Variants in ZHX2 observed in about 807,000 individuals in gnomAD.
ZHX2 encodes zinc fingers and homeoboxes 2.
ZHX2 carries 6 observed loss-of-function variants against 21.9 expected under a neutral mutation model. The ratio of observed to expected loss-of-function variants is 0.27; its 90% CI spans 0.15 to 0.54. The LOEUF (loss-of-function observed/expected upper bound fraction) is 0.54. Among genes scored for constraint, ZHX2 ranks in the 20% least tolerant of loss-of-function variants. The pLI, the probability that ZHX2 is intolerant of heterozygous loss-of-function variation, is 0.95. For missense variants in ZHX2, 908 were observed against 1,090.7 expected (o/e 0.83, Z 2.36); for synonymous variants, 434 against 437.1 (o/e 0.99, Z 0.09).
chr8:122,805,580 C>T (rs1324072757), intron 1 of ZHX2, among the ~76,000 whole-genome samples: 3 of 152,136 alleles, frequency 2.0e-5, no homozygotes, highest in African/African-American at 4.8e-5. Flanking sequence ...GTCGTCAGTC[C>T]CACTTATGGA....
At chr8:122,917,871 C>T (rs899033739) in intron 2 of ZHX2, among the ~76,000 whole-genome samples, 6 of 152,200 alleles carry the variant, frequency 3.9e-5, no homozygotes, top group African/African-American at 7.2e-5. Flanking sequence ...CCACAGCAGA[C>T]ATCACCAGTC....
chr8:122,924,863 C>T (rs992508079), intron 2 of ZHX2, among the ~76,000 whole-genome samples: 3 of 152,174 alleles, frequency 2.0e-5, no homozygotes, highest in African/African-American at 7.2e-5. Flanking sequence ...GAGTCGCGGT[C>T]TCAGTTGTGT....
chr8:122,962,494 A>G (rs1245967639), intron 3 of ZHX2, among the ~76,000 whole-genome samples: 1 of 152,208 alleles, frequency 6.6e-6, no homozygotes, highest in Non-Finnish European at 1.5e-5. Context: ...CATGGTATAT[A>G]CATACCACAT....
At chr8:122,792,888 C>T (rs749793069) in intron 1 of ZHX2, among the ~76,000 whole-genome samples, 3 of 152,172 alleles carry the variant, frequency 2.0e-5, no homozygotes, top group African/African-American at 4.8e-5. Flanking sequence ...GTACCTGATT[C>T]GCAGCGTACC....
At chr8:122,806,529 C>T (rs1817827408) in intron 1 of ZHX2, among the ~76,000 whole-genome samples, 1 of 152,206 alleles carries the variant, frequency 6.6e-6, no homozygotes, top group South Asian at 2.1e-4. Flanking sequence ...AGATGGTACA[C>T]ACAGAGTAGC....
intron 3 of ZHX2, among the ~76,000 whole-genome samples, chr8:122,960,820 G>T (rs566387270): frequency 1.6e-4 from 25 of 152,302 alleles, no homozygotes; most frequent in African/African-American, 6.0e-4. Context: ...CAGTAAAGGA[G>T]ATGACATGGT....
chr8:122,883,424 C>A (rs957373912), intron 2 of ZHX2, among the ~76,000 whole-genome samples: 3 of 152,200 alleles, frequency 2.0e-5, no homozygotes, highest in African/African-American at 7.2e-5. Context: ...GCTGCAAATG[C>A]ATTACTGAGC....
Position 122,892,886 on chromosome 8 carries a change from A to G in ZHX2, c.-220+29347A>G, listed in dbSNP as rs1348244073. ...TTTTTAGTAGAGATGGGGTTTCACT[A>G]TGTTGGCCAGACTGGTATCAAACTT... On this transcript the variant is annotated intron_variant, in intron 2 of 3. Coordinates refer to ENST00000314393, the MANE Select transcript of ZHX2 (RefSeq NM_014943.5). 2.6e-5 allele frequency among the ~76,000 whole-genome samples: 4 copies of G among 152,004 alleles called. No homozygotes were observed. The East Asian group carries it at 5.8e-4, about 22-fold the overall frequency.
At chr8:122,889,436 G>A (rs1209984671) in intron 2 of ZHX2, among the ~76,000 whole-genome samples, 1 of 152,178 alleles carries the variant, frequency 6.6e-6, no homozygotes, top group Non-Finnish European at 1.5e-5. Flanking sequence ...AGGGTGAGGT[G>A]ATTTCTCATT....
At chr8:122,876,170 C>A (rs969673176) in intron 2 of ZHX2, among the ~76,000 whole-genome samples, 12 of 144,064 alleles carry the variant, frequency 8.3e-5, no homozygotes, top group Admixed American at 7.6e-4. Flanking sequence ...CCATCCATCA[C>A]AACACAGCAC....
intron 1 of ZHX2, among the ~76,000 whole-genome samples, chr8:122,795,059 A>G (rs1817592456): frequency 6.6e-6 from 1 of 152,244 alleles, no homozygotes; most frequent in Admixed American, 6.5e-5. Context: ...TCCCAGCACC[A>G]GCACAGGGCT....
At chr8:122,788,507 C>T (rs1001047618) in intron 1 of ZHX2, among the ~76,000 whole-genome samples, 2 of 152,142 alleles carry the variant, frequency 1.3e-5, no homozygotes, top group Non-Finnish European at 2.9e-5. Flanking sequence ...GTCAAGGCTG[C>T]AGTAAGCCAT....
rs200717446 is a variant in ZHX2, at chr8:122,951,963, C to T, written c.453C>T (p.Val151=). 1.2e-6 allele frequency: 2 copies of T among 1,613,974 alleles called. No individual in the cohort carries two copies. Among genetic ancestry groups the T allele is most frequent in the Admixed American group, 3.3e-5 (2 of 59,992 alleles). ...TAATTAAACGCAATAATCAAACTGT[C>T]TTGGAACAGTCCATCGAAACCACCA... is the stretch of plus-strand genomic sequence containing the variant. ...LKLIKRNNQT[V]LEQSIETTNH... Residue 151 remains valine (V), a synonymous_variant, in exon 3 of 4, where the codon GTC becomes GTT. Transcript: ENST00000314393.
At chr8:122,809,700 C>G (rs988782387) in intron 1 of ZHX2, among the ~76,000 whole-genome samples, 1 of 152,064 alleles carries the variant, frequency 6.6e-6, no homozygotes. Context: ...CCACTTGTCA[C>G]GCGTGGGGCC....
At chr8:122,925,921 G>T (rs73333697) in intron 2 of ZHX2, among the ~76,000 whole-genome samples, 3,839 of 152,244 alleles carry the variant, frequency 0.025, 92 homozygotes, top group Admixed American at 0.072. Flanking sequence ...TGGAGAAGAG[G>T]ACATGGGACA....
chr8:122,924,173 A>G (rs905202951), intron 2 of ZHX2, among the ~76,000 whole-genome samples: 3 of 152,136 alleles, frequency 2.0e-5, no homozygotes, highest in African/African-American at 7.2e-5. Flanking sequence ...TGGAGGCTAG[A>G]ACTCCAACGC....
intron 2 of ZHX2, among the ~76,000 whole-genome samples, chr8:122,886,188 A>C (rs1819838710): frequency 6.6e-6 from 1 of 152,226 alleles, no homozygotes; most frequent in African/African-American, 2.4e-5. Flanking sequence ...AGACACGGAG[A>C]AACCTTCAAT....
At chr8:122,920,841 C>G (rs746204177) in intron 2 of ZHX2, among the ~76,000 whole-genome samples, 1 of 152,136 alleles carries the variant, frequency 6.6e-6, no homozygotes, top group Non-Finnish European at 1.5e-5. Flanking sequence ...GGTGCTGGCT[C>G]TTCTGCTTTC....
intron 1 of ZHX2, among the ~76,000 whole-genome samples, chr8:122,787,975 C>T (rs766788612): frequency 1.4e-4 from 22 of 152,200 alleles, no homozygotes; most frequent in Non-Finnish European, 2.5e-4. Flanking sequence ...CCTCAGCAGG[C>T]CTGACATTTA....
Sources: gnomAD v4.1 joint callset for allele counts (sites outside exome capture counted in the v4.1 genomes callset) on GRCh38, gnomAD v4.1.1 for gene constraint, MANE v1.5 for transcripts, NCBI Gene and HGNC (gene_info 2026-07-23, HGNC 2026-07-21) for gene names.